Variants in TAFA1 observed in about 807,000 individuals in gnomAD.
TAFA1 encodes chemokine-like protein TAFA-1.
Under a neutral mutation model 18.5 loss-of-function variants are expected in TAFA1, and 4 were observed. That is an observed-to-expected ratio of 0.22 (90% CI 0.11 to 0.49). The LOEUF is 0.49. Ranked by LOEUF, TAFA1 falls within the 20% of genes least tolerant of loss-of-function variation. The probability of loss-of-function intolerance (pLI) is 0.98; values close to 1 mark genes in which losing one functional copy is unlikely to be tolerated. For missense variants in TAFA1, 147 were observed against 169.0 expected (o/e 0.87, Z 0.72); for synonymous variants, 56 against 55.2 (o/e 1.01, Z -0.06).
In TAFA1 at chr3:68,351,338, T is replaced by C. The variant is rs1315986743; in HGVS notation, c.119-65942T>C. Among the ~76,000 whole-genome samples the C allele has an allele frequency of 2.6e-5, 4 of 152,038 alleles. No homozygotes were observed. In the East Asian group the frequency reaches 7.7e-4, roughly 29 times the overall value. On this transcript the variant is annotated intron_variant, in intron 2 of 4. Transcript: ENST00000478136. ...ATAGGTTCTGGAAATCTGTTTTTGA[T>C]GAGCAACCAAGACGATTGTTGGAAT...
chr3:68,132,558 G>T (rs889449411), intron 2 of TAFA1, among the ~76,000 whole-genome samples: 1 of 152,114 alleles, frequency 6.6e-6, no homozygotes, highest in African/African-American at 2.4e-5. Flanking sequence ...ATTTCTTAAT[G>T]ATCACCATTC....
intron 2 of TAFA1, among the ~76,000 whole-genome samples, chr3:68,062,206 A>C (rs2064612526): frequency 6.6e-6 from 1 of 152,148 alleles, no homozygotes; most frequent in Non-Finnish European, 1.5e-5. Flanking sequence ...TAGGTAATAT[A>C]GACTATCAAG....
intron 2 of TAFA1, among the ~76,000 whole-genome samples, chr3:68,223,122 G>A (rs2066752618): frequency 6.6e-6 from 1 of 152,142 alleles, no homozygotes; most frequent in Non-Finnish European, 1.5e-5. Flanking sequence ...GACTTAGGTA[G>A]GTATTCAGAG....
At chr3:68,318,567 T>C (rs2068643863) in intron 2 of TAFA1, among the ~76,000 whole-genome samples, 1 of 152,174 alleles carries the variant, frequency 6.6e-6, no homozygotes, top group African/African-American at 2.4e-5. Flanking sequence ...AGAATCCAGC[T>C]CTCCTGACCG....
chr3:68,472,245 C>A (rs1455307080), intron 3 of TAFA1, among the ~76,000 whole-genome samples: 3 of 152,092 alleles, frequency 2.0e-5, no homozygotes, highest in African/African-American at 7.2e-5. Context: ...CTCACAAGAT[C>A]TGATGGTTTT....
chr3:68,393,596 T>G (rs1222530725), intron 2 of TAFA1, among the ~76,000 whole-genome samples: 1 of 152,090 alleles, frequency 6.6e-6, no homozygotes, highest in Non-Finnish European at 1.5e-5. Context: ...CTGTTGAACA[T>G]CAATGCAAAA....
intron 2 of TAFA1, among the ~76,000 whole-genome samples, chr3:68,184,089 C>T (rs974693829): frequency 2.6e-5 from 4 of 152,106 alleles, no homozygotes; most frequent in Non-Finnish European, 4.4e-5. Flanking sequence ...TCCAGGATAG[C>T]GATATGACAC....
At position 68,182,755 on chromosome 3, in the gene TAFA1, C is replaced by T. The variant is rs564623967; in HGVS notation, c.118+176011C>T. ...AAACCTTGCATTCTTGTAAACCCTA[C>T]GTAAAACATATTGCTTTATGCACTA... On this transcript the variant is annotated intron_variant, in intron 2 of 4. Coordinates refer to ENST00000478136, the MANE Select transcript of TAFA1 (RefSeq NM_213609.4). 3.9e-5 allele frequency among the ~76,000 whole-genome samples: 6 copies of T among 152,064 alleles called. No homozygotes were observed. The South Asian group carries it at 8.3e-4, about 21-fold the overall frequency.
chr3:68,308,515 T>C (rs1428826601), intron 2 of TAFA1, among the ~76,000 whole-genome samples: 2 of 152,272 alleles, frequency 1.3e-5, no homozygotes. Flanking sequence ...AAGCTTCTTA[T>C]AAGTACCACA....
At chr3:68,148,600 G>A (rs1025020102) in intron 2 of TAFA1, among the ~76,000 whole-genome samples, 3 of 152,190 alleles carry the variant, frequency 2.0e-5, no homozygotes, top group Non-Finnish European at 4.4e-5. Context: ...GCCTGTGTCT[G>A]TGTAGCTTCT....
chr3:68,254,749 C>T (rs776899040), intron 2 of TAFA1, among the ~76,000 whole-genome samples: 2 of 151,994 alleles, frequency 1.3e-5, no homozygotes, highest in Non-Finnish European at 2.9e-5. Flanking sequence ...TGAAAGTGAC[C>T]TTCTAGGATG....
intron 2 of TAFA1, among the ~76,000 whole-genome samples, chr3:68,400,946 G>A (rs879788946): frequency 1.5e-4 from 23 of 152,116 alleles, no homozygotes; most frequent in Non-Finnish European, 1.2e-4. Flanking sequence ...TTGAATGTGT[G>A]GGCAAATTAC....
At position 68,340,255 on chromosome 3, in the gene TAFA1, T is replaced by A. The variant is rs557580050; in HGVS notation, c.119-77025T>A. Among the ~76,000 whole-genome samples, 133 of 152,216 alleles carry A rather than the reference T, an allele frequency of 8.7e-4. 1 individual carries two copies. The highest frequency in any genetic ancestry group is 3.1e-3 in the African/African-American group (130 of 41,550). On this transcript the variant is annotated intron_variant, in intron 2 of 4. Coordinates refer to ENST00000478136, the MANE Select transcript of TAFA1 (RefSeq NM_213609.4). Reference sequence around the variant, plus strand: ...CAAGGTATAAGAAAAGAAACTAAGGTTCTCTTTGAATTTAAATAGCCAAGG... The same window carrying A: ...CAAGGTATAAGAAAAGAAACTAAGGATCTCTTTGAATTTAAATAGCCAAGG...
At chr3:68,480,771 T>A (rs1456612401) in intron 3 of TAFA1, among the ~76,000 whole-genome samples, 4 of 152,144 alleles carry the variant, frequency 2.6e-5, no homozygotes, top group African/African-American at 9.7e-5. Context: ...TAAACTGATA[T>A]GGTTTGGCTG....
intron 3 of TAFA1, among the ~76,000 whole-genome samples, chr3:68,512,568 T>C (rs2072864651): frequency 6.6e-6 from 1 of 152,130 alleles, no homozygotes; most frequent in Non-Finnish European, 1.5e-5. Context: ...TGACACAATA[T>C]AAAGAGCATG....
intron 2 of TAFA1, among the ~76,000 whole-genome samples, chr3:68,336,357 C>A (rs1163642732): frequency 6.6e-6 from 1 of 152,224 alleles, no homozygotes; most frequent in African/African-American, 2.4e-5. Context: ...ATCCTCCTAA[C>A]TGACTTTTCT....
chr3:68,357,357 G>A (rs1174406251), intron 2 of TAFA1, among the ~76,000 whole-genome samples: 1 of 146,216 alleles, frequency 6.8e-6, no homozygotes, highest in African/African-American at 2.5e-5. Context: ...CTGCAGTTAA[G>A]GTGGAAGGGT....
At chr3:68,008,130 G>A (rs1340248382) in intron 2 of TAFA1, among the ~76,000 whole-genome samples, 1 of 152,236 alleles carries the variant, frequency 6.6e-6, no homozygotes, top group African/African-American at 2.4e-5. Context: ...AAGGCGAGGG[G>A]GCGCTGGTGC....
intron 2 of TAFA1, among the ~76,000 whole-genome samples, chr3:68,182,098 A>C (rs1050203325): frequency 1.3e-5 from 2 of 152,140 alleles, no homozygotes; most frequent in Non-Finnish European, 2.9e-5. Flanking sequence ...AGTCTTAGCT[A>C]CTGGTGAGGC....
Sources: allele counts gnomAD v4.1 joint callset (sites outside exome capture counted in the v4.1 genomes callset), GRCh38; gene constraint gnomAD v4.1.1; transcripts MANE v1.5; gene names NCBI Gene and HGNC (gene_info 2026-07-23, HGNC 2026-07-21).